The following NTRK2 variants were observed in gnomAD, a reference collection of about 807,000 sequenced individuals.
NTRK2 encodes the protein BDNF/NT-3 growth factors receptor.
Under a neutral mutation model 94.5 loss-of-function variants are expected in NTRK2, and 13 were observed. That is an observed-to-expected ratio of 0.14 (90% confidence interval 0.09 to 0.22). NTRK2 has a LOEUF of 0.22. Ranked by LOEUF, NTRK2 falls within the 10% of genes least tolerant of loss-of-function variation. The probability of loss-of-function intolerance (pLI) is 1.00; values close to 1 mark genes in which losing one functional copy is unlikely to be tolerated. For missense variants in NTRK2, 639 were observed against 1,071.2 expected (o/e 0.60, Z 5.63); for synonymous variants, 372 against 407.4 (o/e 0.91, Z 1.05).
chr9:85,005,999 C>G (rs925705551), intron 17 of NTRK2, among the ~76,000 whole-genome samples: 1 of 152,160 alleles, frequency 6.6e-6, no homozygotes, highest in African/African-American at 2.4e-5. Flanking sequence ...TTATTCACAT[C>G]CGTGACCCCT....
intron 2 of NTRK2, among the ~76,000 whole-genome samples, chr9:84,685,381 A>G (rs1659398): frequency 6.8e-6 from 1 of 147,018 alleles, no homozygotes; most frequent in Non-Finnish European, 1.5e-5. Flanking sequence ...TTTTTTTTCT[A>G]CTTGAAGTAT....
intron 9 of NTRK2, among the ~76,000 whole-genome samples, chr9:84,734,472 T>C (rs1588241886): frequency 6.6e-6 from 1 of 152,254 alleles, no homozygotes; most frequent in East Asian, 1.9e-4. Flanking sequence ...ATCATTTTAC[T>C]ACCTGAGCTT....
chr9:84,871,871 A>T, intron 14 of NTRK2: 1 of 1,613,320 alleles, frequency 6.2e-7, no homozygotes, highest in Non-Finnish European at 8.5e-7. Context: ...AAAGGAGGCT[A>T]AATCCATGCC....
chr9:84,772,559 AATCTACATGTGTAC>A (rs2066662247), intron 12 of NTRK2, among the ~76,000 whole-genome samples: 1 of 152,174 alleles, frequency 6.6e-6, no homozygotes, highest in African/African-American at 2.4e-5. Flanking sequence ...AGCCACAGGG[AATCTACATGTGTAC>A]ATCATACCTG....
chr9:84,812,731 A>G, intron 12 of NTRK2: 1 of 1,041,236 alleles, frequency 9.6e-7, no homozygotes. Context: ...GGATTGTTTA[A>G]GAACTATTTT....
chr9:84,872,593 A>G, intron 14 of NTRK2: 1 of 1,063,958 alleles, frequency 9.4e-7, no homozygotes, highest in Non-Finnish European at 1.1e-6. Flanking sequence ...AGGCATGTAA[A>G]GTATTCTGAC....
rs17329543 is a variant in NTRK2 at position 84,839,603 on chromosome 9, G to A, written c.1397-21437G>A. On this transcript the variant is annotated intron_variant, in intron 12 of 18. Transcript: ENST00000277120. ...TCAACACCAGATATTTATGGAGCGC[G>A]TACAGGCCATGTGCTGAATCGGGCT... is the stretch of plus-strand genomic sequence containing the variant. Among the ~76,000 whole-genome samples the A allele has an allele frequency of 6.3e-3, 953 of 152,280 alleles. 9 individuals are homozygous for A. Among genetic ancestry groups the A allele is most frequent in the Admixed American group, 0.024 (361 of 15,302 alleles).
chr9:84,891,819 AC>A (rs2076603620), intron 14 of NTRK2, among the ~76,000 whole-genome samples: 1 of 152,258 alleles, frequency 6.6e-6, no homozygotes, highest in African/African-American at 2.4e-5. Context: ...TATGGGAAAG[AC>A]CCTGTTTTAT....
chr9:84,724,086 C>G, intron 7 of NTRK2, 138 bp from the exon 8 acceptor site: 1 of 896,598 alleles, frequency 1.1e-6, no homozygotes, highest in Non-Finnish European at 1.8e-6. Context: ...ACTTCTTCGC[C>G]TGAGCCCAGT....
At position 84,996,052 on chromosome 9, in the gene NTRK2, CA is replaced by C. The variant is rs1814045273; in HGVS notation, c.2173-24151del. ...GACAAGATGCTTAAAATTGACTTAA[CA>C]AAGAGCACTTTTTATATTGTGAAGT... On this transcript the variant is annotated intron_variant, in intron 17 of 18. Coordinates refer to ENST00000277120, the MANE Select transcript of NTRK2 (RefSeq NM_006180.6). Among the ~76,000 whole-genome samples, 12 of 152,288 alleles carry C rather than the reference CA, an allele frequency of 7.9e-5. No individual in the cohort carries two copies. The South Asian group carries it at 2.3e-3, about 29-fold the overall frequency.
intron 17 of NTRK2, among the ~76,000 whole-genome samples, chr9:84,968,524 T>A (rs1053801876): frequency 6.6e-6 from 1 of 152,180 alleles, no homozygotes; most frequent in Non-Finnish European, 1.5e-5. Context: ...GGAATCTGGG[T>A]TTTTTGTCCA....
chr9:84,877,624 G>A lies in NTRK2; in HGVS notation c.1633+10193G>A, dbSNP rs184458530. Reference sequence around the variant, plus strand: ...CACCATGTTGGGCTGCGGTAGGATAGGGAAGGGGTTCTGTTGATTGCTAAA... The same window carrying A: ...CACCATGTTGGGCTGCGGTAGGATAAGGAAGGGGTTCTGTTGATTGCTAAA... On this transcript the variant is annotated intron_variant, in intron 14 of 18. Transcript: ENST00000277120. The A allele has an allele frequency of 3.4e-4, 359 of 1,065,558 alleles. No individual in the cohort carries two copies. The Middle Eastern group carries it at 5.8e-3, about 17-fold the overall frequency. 66.0% of individuals were successfully genotyped at this position (1,065,558 alleles called of 1,614,324 possible).
rs200636057 is a variant in NTRK2, at chr9:84,724,275, G to A, written c.772G>A (p.Asp258Asn). Residue 258 changes from aspartate (D) to asparagine (N), a missense_variant, in exon 8 of 19, where the codon GAT becomes AAT. Asp to Asn is a conservative substitution (Grantham distance 23). Around this residue, in one of 5 missense-constraint regions of NTRK2, gnomAD observed 343 missense variants for 571.5 expected, o/e 0.60. Transcript: ENST00000277120. ...CTTAAGGATAACTAACATTTCATCC[G>A]ATGACAGTGGGAAGCAGATCTCTTG... Reference protein sequence around the residue: ...GSLRITNISSDDSGKQISCVA... With the variant: ...GSLRITNISSNDSGKQISCVA... 19 of 1,614,036 alleles carry A rather than the reference G, an allele frequency of 1.2e-5. No homozygotes were observed. Among genetic ancestry groups the A allele is most frequent in the Non-Finnish European group, 1.5e-5 (18 of 1,179,922 alleles).
intron 14 of NTRK2, chr9:84,877,602 C>T: frequency 1.2e-5 from 13 of 1,065,896 alleles, no homozygotes; most frequent in Non-Finnish European, 1.5e-5. Flanking sequence ...GCTGCTGCAC[C>T]ATGTTGGGCT....
At chr9:84,810,942 G>C in intron 12 of NTRK2, 1 of 1,146,274 alleles carries the variant, frequency 8.7e-7, no homozygotes, top group Non-Finnish European at 1.1e-6. Flanking sequence ...GACATTTATT[G>C]ACTTAATTGC....
At chr9:85,004,652 G>A (rs563541029) in intron 17 of NTRK2, among the ~76,000 whole-genome samples, 6 of 152,224 alleles carry the variant, frequency 3.9e-5, no homozygotes, top group Non-Finnish European at 7.4e-5. Flanking sequence ...GAGGCAGAAA[G>A]GAAGATGCAC....
chr9:85,000,461 C>A (rs966839257), intron 17 of NTRK2, among the ~76,000 whole-genome samples: 1 of 152,088 alleles, frequency 6.6e-6, no homozygotes, highest in African/African-American at 2.4e-5. Context: ...GTCGTTCTGG[C>A]TTTTCCAGAA....
chr9:84,902,085 G>T (rs898222793), intron 14 of NTRK2, among the ~76,000 whole-genome samples: 2 of 151,756 alleles, frequency 1.3e-5, no homozygotes, highest in African/African-American at 2.4e-5. Flanking sequence ...AATTCCAGCT[G>T]CTCAGAAGGT....
At chr9:84,998,503 C>A (rs542828100) in intron 17 of NTRK2, among the ~76,000 whole-genome samples, 1 of 152,338 alleles carries the variant, frequency 6.6e-6, no homozygotes, top group East Asian at 1.9e-4. Context: ...CTGATAGACA[C>A]CTTGTCCTTA....
Sources: gnomAD v4.1 joint callset for allele counts (sites outside exome capture counted in the v4.1 genomes callset) on GRCh38, gnomAD v4.1.1 for gene constraint, gnomAD v4.1.1 regional missense constraint, MANE v1.5 for transcripts, NCBI Gene and HGNC (gene_info 2026-07-23, HGNC 2026-07-21) for gene names.